The following DDX42 variants were observed in gnomAD, a reference collection of about 807,000 sequenced individuals.
DDX42 encodes DEAD-box helicase 42.
In DDX42, 22 loss-of-function variants were observed where a neutral mutation model predicts 101.5. That is an observed-to-expected ratio of 0.22 (90% CI 0.15 to 0.31). The LOEUF (loss-of-function observed/expected upper bound fraction) is 0.31. Among genes scored for constraint, DDX42 ranks in the 10% least tolerant of loss-of-function variants. The probability of loss-of-function intolerance (pLI) is 1.00; values close to 1 mark genes in which losing one functional copy is unlikely to be tolerated. For missense variants in DDX42, 849 were observed against 1,199.9 expected (o/e 0.71, Z 4.32); for synonymous variants, 402 against 401.2 (o/e 1.00, Z -0.02).
intron 15 of DDX42, among the ~76,000 whole-genome samples, chr17:63,814,408 T>A (rs943735961): frequency 6.6e-6 from 1 of 152,236 alleles, no homozygotes; most frequent in African/African-American, 2.4e-5. Context: ...GTGCCCAAGT[T>A]TCTGGTCCTA....
intron 17 of DDX42, chr17:63,817,377 A>G: frequency 3.2e-6 from 1 of 317,206 alleles, no homozygotes; most frequent in Non-Finnish European, 5.8e-6. Context: ...TGCAGTATGA[A>G]AATTTTTTTT....
At chr17:63,808,375 T>C (rs1033464919) in intron 9 of DDX42, among the ~76,000 whole-genome samples, 16 of 152,146 alleles carry the variant, frequency 1.1e-4, no homozygotes, top group Admixed American at 1.0e-3. Flanking sequence ...GGTTTCACCA[T>C]GTTGGCCAGG....
Position 63,798,089 on chromosome 17 carries a change from A to C in DDX42, c.424A>C (p.Lys142Gln). The change falls in exon 4 of 18, where the codon AAA (lysine) becomes CAA (glutamine). Residue 142 changes from lysine to glutamine, a missense_variant. Physicochemically the swap from Lys to Gln is moderately conservative, Grantham distance 53. Transcript: ENST00000389924. ...GCTTGAAGAAAAGGACAAGGAAAGA[A>C]AAAACGTAAAGTAAGTTGTTTTCTT... is the stretch of plus-strand genomic sequence containing the variant. ...KRLEEKDKER[K>Q]NVKGIRDDIE... The C allele has an allele frequency of 1.2e-6, 2 of 1,613,568 alleles. No individual in the cohort carries two copies. Among genetic ancestry groups the C allele is most frequent in the Non-Finnish European group, 1.7e-6 (2 of 1,179,758 alleles).
At chr17:63,790,632 C>T (rs906832396) in intron 2 of DDX42, among the ~76,000 whole-genome samples, 6 of 152,062 alleles carry the variant, frequency 3.9e-5, no homozygotes, top group African/African-American at 7.2e-5. Flanking sequence ...GTGGTGGCGG[C>T]GCATATAATC....
At chr17:63,789,403 A>G (rs544501389) in intron 2 of DDX42, among the ~76,000 whole-genome samples, 179 of 151,908 alleles carry the variant, frequency 1.2e-3, no homozygotes, top group Non-Finnish European at 1.8e-3. Context: ...TTGTAGAGAC[A>G]GGGTCTTGCT....
intron 13 of DDX42, chr17:63,811,527 G>T: frequency 2.8e-6 from 1 of 354,392 alleles, no homozygotes. Context: ...TAATTATTGT[G>T]GTAGGGGCCT....
In DDX42 at chr17:63,816,866, A is replaced by T; in HGVS notation, c.2014-2A>T. ...TTCTCATAGATGTGTTTATTTTTTT[A>T]GGATCGAGGAAATAACAATGTAATG... On this transcript the variant is annotated splice_acceptor_variant, in intron 16 of 17. Coordinates refer to ENST00000389924, the MANE Select transcript of DDX42 (RefSeq NM_203499.3). LOFTEE classifies it high-confidence loss of function. The T allele has an allele frequency of 6.2e-7, 1 of 1,609,642 alleles. No individual in the cohort carries two copies. Among genetic ancestry groups the T allele is most frequent in the Non-Finnish European group, 8.5e-7 (1 of 1,178,168 alleles).
intron 13 of DDX42, 96 bp downstream of exon 13, chr17:63,811,269 GATGTT>G: frequency 4.2e-6 from 4 of 950,464 alleles, no homozygotes; most frequent in Non-Finnish European, 4.6e-6. Flanking sequence ...AAAAAAAAAA[GATGTT>G]ATGTTTATAG....
chr17:63,804,121 A>T (rs980304697), intron 6 of DDX42, among the ~76,000 whole-genome samples: 13 of 151,352 alleles, frequency 8.6e-5, no homozygotes, highest in African/African-American at 3.2e-4. Context: ...TTTTTTAACT[A>T]CCTATAGAAT....
At chr17:63,811,843 G>C in intron 13 of DDX42, 89 bp from the exon 14 acceptor site, 1 of 1,482,730 alleles carries the variant, frequency 6.7e-7, no homozygotes, top group East Asian at 2.3e-5. Flanking sequence ...AGGTCTTCTC[G>C]ATGCAGGTAG....
upstream of DDX42, chr17:63,774,050 C>T (rs1598315853): frequency 9.1e-6 from 2 of 219,614 alleles, 1 homozygote; most frequent in Non-Finnish European, 1.8e-5. Context: ...AGTTTCCCGT[C>T]AGAGTATCTG....
chr17:63,794,678 C>CA (rs1370702513), intron 3 of DDX42, among the ~76,000 whole-genome samples: 1 of 151,396 alleles, frequency 6.6e-6, no homozygotes, highest in African/African-American at 2.4e-5. Flanking sequence ...GCTCACGGCT[C>CA]ACATTTGTAA....
chr17:63,800,570 C>T lies in DDX42; in HGVS notation c.574C>T (p.Pro192Ser), dbSNP rs1432773469. ...EYDSDGNPIA[P>S]TKKIIDPLPP... Reference sequence around the variant, plus strand: ...TGATAGTGACGGAAATCCAATTGCACCTACCAAAAAAATCATTGATCCTCT... The same window carrying T: ...TGATAGTGACGGAAATCCAATTGCATCTACCAAAAAAATCATTGATCCTCT... Residue 192 changes from proline to serine, a missense_variant, in exon 6 of 18, where the codon CCT becomes TCT. Coordinates refer to ENST00000389924, the MANE Select transcript of DDX42 (RefSeq NM_203499.3). 3 of 1,613,834 alleles carry T rather than the reference C, an allele frequency of 1.9e-6. No individual in the cohort carries two copies. The highest frequency in any genetic ancestry group is 2.2e-5 in the East Asian group (1 of 44,876).
At chr17:63,801,623 A>G (rs2039771379) in intron 6 of DDX42, among the ~76,000 whole-genome samples, 1 of 149,868 alleles carries the variant, frequency 6.7e-6, no homozygotes, top group African/African-American at 2.5e-5. Flanking sequence ...TCTGCTTCCC[A>G]GGTTCATTTT....
Position 63,792,408 on chromosome 17 carries a change from T to G in DDX42, c.222-4T>G. 1 of 1,610,294 alleles carries G rather than the reference T, an allele frequency of 6.2e-7. No individual in the cohort carries two copies. The highest frequency in any genetic ancestry group is 8.5e-7 in the Non-Finnish European group (1 of 1,178,266). ...ACTTTACCAGTTTGCTTTCTAATTC[T>G]CAGCTATTTTGAAGATGAGGAAGAA... On this transcript the variant is annotated splice_polypyrimidine_tract_variant and splice_region_variant and intron_variant, in intron 2 of 17. Coordinates refer to ENST00000389924, the MANE Select transcript of DDX42 (RefSeq NM_203499.3).
chr17:63,817,549 A>C, intron 17 of DDX42, 145 bp from the exon 18 acceptor site: 1 of 726,428 alleles, frequency 1.4e-6, no homozygotes, highest in Non-Finnish European at 2.2e-6. Context: ...AACAAAAGGG[A>C]CCATACTGTG....
At chr17:63,794,301 C>T (rs559875730) in intron 3 of DDX42, among the ~76,000 whole-genome samples, 90 of 152,102 alleles carry the variant, frequency 5.9e-4, no homozygotes, top group Non-Finnish European at 1.1e-3. Context: ...CCCAGCATTT[C>T]GGGAGGCTGA....
intron 13 of DDX42, chr17:63,811,455 G>A: frequency 2.7e-6 from 1 of 369,822 alleles, no homozygotes; most frequent in Non-Finnish European, 4.9e-6. Context: ...TTTTAAAAAG[G>A]CTTCAAAGAG....
At chr17:63,814,349 A>G (rs1231721647) in intron 15 of DDX42, among the ~76,000 whole-genome samples, 1 of 152,196 alleles carries the variant, frequency 6.6e-6, no homozygotes, top group Non-Finnish European at 1.5e-5. Flanking sequence ...AGTTTGTCAA[A>G]TGCCTAGGCC....
Sources: allele counts gnomAD v4.1 joint callset (sites outside exome capture counted in the v4.1 genomes callset), GRCh38; gene constraint gnomAD v4.1.1; transcripts MANE v1.5; gene names NCBI Gene and HGNC (gene_info 2026-07-23, HGNC 2026-07-21).